TMEM163: variants seen among roughly 807,000 people sequenced by gnomAD.
The protein encoded by TMEM163 is transmembrane protein 163.
TMEM163 carries 17 observed loss-of-function variants against 29.3 expected under a neutral mutation model. The observed-to-expected ratio is 0.58, with a 90% CI of 0.40 to 0.87. The LOEUF is 0.87. Ranked by LOEUF, TMEM163 falls within the 40% of genes least tolerant of loss-of-function variation. TMEM163 has a pLI of 0.00. For missense variants in TMEM163, 303 were observed against 381.5 expected, an observed-to-expected ratio of 0.79 and a Z score of 1.71; for synonymous variants, 157 against 160.6, an observed-to-expected ratio of 0.98 and a Z score of 0.17.
chr2:134,501,441 G>A lies in TMEM163; in HGVS notation c.555+1460C>T, dbSNP rs1353360086. On this transcript the variant is annotated intron_variant, in intron 5 of 7. Coordinates refer to ENST00000281924, the MANE Select transcript of TMEM163 (RefSeq NM_030923.5). ...CAGCCATCCATCCCCTATCACATGA[G>A]CCCTGCTGGAAATTAATTTTTAATG... Among the ~76,000 whole-genome samples the A allele has an allele frequency of 2.6e-5, 4 of 152,326 alleles. No individual in the cohort carries two copies. In the East Asian group the frequency reaches 7.7e-4, roughly 29 times the overall value.
intron 2 of TMEM163, among the ~76,000 whole-genome samples, chr2:134,693,228 G>C (rs1378860965): frequency 2.0e-5 from 3 of 152,118 alleles, no homozygotes; most frequent in Non-Finnish European, 2.9e-5. Context: ...AGCAGATACT[G>C]ATATGGGCCC....
intron 5 of TMEM163, among the ~76,000 whole-genome samples, chr2:134,500,757 G>C (rs747811466): frequency 2.0e-5 from 3 of 152,116 alleles, no homozygotes; most frequent in Non-Finnish European, 4.4e-5. Context: ...TTTCACTCAT[G>C]TGCGAATTAG....
At chr2:134,532,700 C>T (rs1485665069) in intron 4 of TMEM163, among the ~76,000 whole-genome samples, 1 of 152,180 alleles carries the variant, frequency 6.6e-6, no homozygotes, top group Non-Finnish European at 1.5e-5. Flanking sequence ...GGAAAAGCAA[C>T]CTAATACAGA....
rs764208050 is a variant in TMEM163 at position 134,550,632 on chromosome 2, C to T, written c.396G>A (p.Ser132=). The T allele has an allele frequency of 1.7e-5, 28 of 1,614,016 alleles. No homozygotes were observed. Among genetic ancestry groups the T allele is most frequent in the Admixed American group, 1.0e-4 (6 of 60,000 alleles). The part of the protein sequence containing the change: ...AFDAILDVLS[S]AIVLWRYSNA... The stretch of plus-strand genomic sequence containing the variant: ...TGCTGTAACGCCACAGGACAATCGC[C>T]GATGACAGGACGTCCAGGATGGCAT... Residue 132 remains serine (S), a synonymous_variant, in exon 4 of 8, where the codon TCG becomes TCA. Transcript: ENST00000281924.
chr2:134,554,287 G>C (rs138333381), intron 2 of TMEM163, among the ~76,000 whole-genome samples: 2 of 151,912 alleles, frequency 1.3e-5, no homozygotes, highest in East Asian at 3.9e-4. Flanking sequence ...TAAGCCGGGC[G>C]TGGTGGCGTG....
At chr2:134,568,534 GAAAAGAAAGAGAAAGA>G (rs1681347670) in intron 2 of TMEM163, among the ~76,000 whole-genome samples, 1 of 101,086 alleles carries the variant, frequency 9.9e-6, no homozygotes, top group Non-Finnish European at 2.1e-5. Flanking sequence ...AAGAAAGAAA[GAAAAGAAAGAGAAAGA>G]AAAAGAAAGA....
intron 5 of TMEM163, among the ~76,000 whole-genome samples, chr2:134,494,026 T>C (rs1437992644): frequency 6.6e-6 from 1 of 151,698 alleles, no homozygotes; most frequent in Non-Finnish European, 1.5e-5. Context: ...CCTACACATA[T>C]CCCCCCACCG....
intron 5 of TMEM163, among the ~76,000 whole-genome samples, chr2:134,482,180 T>G (rs1364647594): frequency 6.6e-6 from 1 of 152,204 alleles, no homozygotes; most frequent in Non-Finnish European, 1.5e-5. Context: ...ATCTCAAAGA[T>G]AAGACAACGA....
At chr2:134,531,499 T>C (rs1365526896) in intron 4 of TMEM163, among the ~76,000 whole-genome samples, 1 of 152,166 alleles carries the variant, frequency 6.6e-6, no homozygotes, top group African/African-American at 2.4e-5. Context: ...CCCCAGGGTG[T>C]TTTAACCTGT....
chr2:134,489,575 CA>C (rs34513401), intron 5 of TMEM163, among the ~76,000 whole-genome samples: 17,248 of 129,682 alleles, frequency 0.13, 1,141 homozygotes, highest in South Asian at 0.22. Context: ...GACTCTCTCT[CA>C]AAAAAAAAAA....
intron 2 of TMEM163, among the ~76,000 whole-genome samples, chr2:134,606,337 C>G (rs969274680): frequency 1.0e-5 from 1 of 97,436 alleles, no homozygotes; most frequent in African/African-American, 4.5e-5. Context: ...GAGCAAAACT[C>G]CGTCTCAAAA....
chr2:134,690,263 A>G (rs1684434321), intron 2 of TMEM163, among the ~76,000 whole-genome samples: 1 of 151,250 alleles, frequency 6.6e-6, no homozygotes, highest in Non-Finnish European at 1.5e-5. Context: ...ATATCCATCA[A>G]GTTATCAAAC....
intron 6 of TMEM163, among the ~76,000 whole-genome samples, chr2:134,463,067 C>T (rs1686585621): frequency 1.3e-5 from 2 of 152,214 alleles, no homozygotes; most frequent in African/African-American, 2.4e-5. Context: ...CTGTTCAGAC[C>T]CACACTGCCT....
rs34207224 is a variant in TMEM163, at chr2:134,599,014, T to TA, written c.323-46924dup. Among the ~76,000 whole-genome samples the TA allele has an allele frequency of 7.8e-3, 970 of 124,308 alleles. 28 individuals are homozygous for TA. The East Asian group carries it at 0.089, about 11-fold the overall frequency. The allele number at this position is 124,308 out of a possible 152,430, so 81.6% of individuals were successfully genotyped here. A position where few individuals can be genotyped will look rare whatever the true frequency, so the allele number is the denominator to read the frequency against. ...AAAGGACTCACTGAAGCCATTCCGT[T>TA]AAAAAAAAAAAAAAAAAAAAAAGGA... is the stretch of plus-strand genomic sequence containing the variant. On this transcript the variant is annotated intron_variant, in intron 2 of 7. Transcript: ENST00000281924.
intron 2 of TMEM163, among the ~76,000 whole-genome samples, chr2:134,673,498 A>G (rs1422547831): frequency 6.6e-6 from 1 of 152,154 alleles, no homozygotes; most frequent in Non-Finnish European, 1.5e-5. Flanking sequence ...TAATCCCCAG[A>G]TCCTGTGAAT....
At chr2:134,479,300 G>T (rs775476218) in intron 5 of TMEM163, among the ~76,000 whole-genome samples, 1 of 152,132 alleles carries the variant, frequency 6.6e-6, no homozygotes, top group African/African-American at 2.4e-5. Context: ...AGACTGTGTG[G>T]GACAAAAGCC....
intron 2 of TMEM163, among the ~76,000 whole-genome samples, chr2:134,673,296 TG>T (rs1414422251): frequency 6.6e-6 from 1 of 152,186 alleles, no homozygotes; most frequent in African/African-American, 2.4e-5. Flanking sequence ...CATTTTTGGC[TG>T]CCTCCCACCT....
At chr2:134,641,285 C>T (rs1277768201) in intron 2 of TMEM163, among the ~76,000 whole-genome samples, 7 of 152,106 alleles carry the variant, frequency 4.6e-5, no homozygotes, top group Non-Finnish European at 7.4e-5. Flanking sequence ...GAATAGTCGA[C>T]TGTAAGAAAA....
intron 2 of TMEM163, among the ~76,000 whole-genome samples, chr2:134,577,835 T>C (rs1271162869): frequency 1.3e-5 from 2 of 151,830 alleles, no homozygotes; most frequent in Non-Finnish European, 2.9e-5. Context: ...CAACAATCAA[T>C]AATACAAATA....
Sources: gnomAD v4.1 joint callset for allele counts (sites outside exome capture counted in the v4.1 genomes callset) on GRCh38, gnomAD v4.1.1 for gene constraint, MANE v1.5 for transcripts, NCBI Gene and HGNC (gene_info 2026-07-23, HGNC 2026-07-21) for gene names.